Variants in GOLGA8B observed in about 807,000 individuals in gnomAD.
The protein encoded by GOLGA8B is golgin subfamily A member 8B.
Under a neutral mutation model 15.6 loss-of-function variants are expected in GOLGA8B, and 1 was observed. That is an observed-to-expected ratio of 0.06 (90% CI 0.02 to 0.30). The LOEUF is 0.30. Ranked by LOEUF, GOLGA8B falls within the 10% of genes least tolerant of loss-of-function variation. The pLI is 1.00. For synonymous variants in GOLGA8B, 9 were observed against 80.3 expected, an observed-to-expected ratio of 0.11 and a Z score of 4.75; for missense variants, 17 against 201.3, an observed-to-expected ratio of 0.08 and a Z score of 5.54.
At chr15:34,567,550 A>G (rs1009762790) in intron 1 of GOLGA8B, among the ~76,000 whole-genome samples, 4 of 151,716 alleles carry the variant, frequency 2.6e-5, no homozygotes, top group Non-Finnish European at 5.9e-5. Flanking sequence ...AAGTTGTCAC[A>G]GTCCACTCAC....
intron 1 of GOLGA8B, among the ~76,000 whole-genome samples, chr15:34,567,770 G>A (rs1313434137): frequency 5.3e-5 from 8 of 151,838 alleles, no homozygotes; most frequent in Non-Finnish European, 1.5e-5. Flanking sequence ...CAGATTACTG[G>A]TTTTCAAGCA....
chr15:34,557,507 G>C (rs1888522045), intron 1 of GOLGA8B, among the ~76,000 whole-genome samples: 1 of 33,034 alleles, frequency 3.0e-5, no homozygotes, highest in African/African-American at 9.8e-5. Context: ...CCAAAAAAAA[G>C]CCTCACTGTG....
rs1314994286 is a variant in GOLGA8B at position 34,528,141 on chromosome 15, CACA to C, written c.1453+45_1453+47del. ...CGCCCACCCTCATGCCCACCCCACC[CACA>C]CCCCCACCCCACCCCCACCCCCACA... On this transcript the variant is annotated intron_variant, in intron 22 of 23. Transcript: ENST00000683415. 1.1e-4 allele frequency: 48 copies of C among 435,702 alleles called. 3 individuals carry two copies. The African/African-American group carries it at 3.2e-3, about 29-fold the overall frequency. 27.0% of individuals were successfully genotyped at this position (435,702 alleles called of 1,614,324 possible). A position where few individuals can be genotyped will look rare whatever the true frequency, so the allele number is the denominator to read the frequency against.
chr15:34,566,659 T>C (rs1456912138), intron 1 of GOLGA8B, among the ~76,000 whole-genome samples: 1 of 145,976 alleles, frequency 6.9e-6, no homozygotes, highest in Non-Finnish European at 1.5e-5. Flanking sequence ...GCTGCCCTGT[T>C]GACAGCACAA....
At chr15:34,581,255 G>A in intron 1 of GOLGA8B, among the ~76,000 whole-genome samples, 1 of 152,158 alleles carries the variant, frequency 6.6e-6, no homozygotes, top group Non-Finnish European at 1.5e-5. Context: ...GCCTGGAGGG[G>A]GCCTCTTCAG....
In GOLGA8B at chr15:34,566,469, C is replaced by T. The variant is rs960694532; in HGVS notation, c.-1122-12513G>A. 10 of 143,036 alleles carry T rather than the reference C, an allele frequency of 7.0e-5. 1 individual carries two copies. The highest frequency in any genetic ancestry group is 1.8e-4 in the African/African-American group (7 of 39,762). The allele number at this position is 143,036 out of a possible 1,614,324, so 8.9% of individuals were successfully genotyped here. ...GAAGTTTTCCTCCATCGGGTAACCA[C>T]GAGCCTGGGGTATCACAAAGAGAAG... On this transcript the variant is annotated intron_variant, in intron 1 of 23. Transcript: ENST00000683415.
At chr15:34,572,227 T>A (rs1023272760) in intron 1 of GOLGA8B, among the ~76,000 whole-genome samples, 7 of 152,218 alleles carry the variant, frequency 4.6e-5, no homozygotes, top group African/African-American at 1.4e-4. Context: ...TTTAGAATGG[T>A]CACCACCTGT....
At chr15:34,573,901 G>A (rs1203373516) in intron 1 of GOLGA8B, among the ~76,000 whole-genome samples, 1 of 151,056 alleles carries the variant, frequency 6.6e-6, no homozygotes, top group African/African-American at 2.5e-5. Context: ...GGAGTCCTAG[G>A]TGGTTGAGGA....
chr15:34,543,008 A>C (rs1266772466), intron 7 of GOLGA8B, among the ~76,000 whole-genome samples: 1 of 73,214 alleles, frequency 1.4e-5, no homozygotes, highest in Non-Finnish European at 2.7e-5. Flanking sequence ...CCTCATTCTG[A>C]TCTCCCTCTC....
At chr15:34,576,930 G>C (rs952211751) in intron 1 of GOLGA8B, among the ~76,000 whole-genome samples, 2 of 152,034 alleles carry the variant, frequency 1.3e-5, no homozygotes, top group African/African-American at 4.8e-5. Context: ...TAGCAGAACA[G>C]TTGCACACAT....
At chr15:34,577,063 C>T (rs1007913274) in intron 1 of GOLGA8B, among the ~76,000 whole-genome samples, 3 of 150,542 alleles carry the variant, frequency 2.0e-5, no homozygotes, top group African/African-American at 4.8e-5. Flanking sequence ...CTGGCTCACA[C>T]GTGCAGGCAG....
intron 1 of GOLGA8B, among the ~76,000 whole-genome samples, chr15:34,562,655 T>C (rs1465717324): frequency 3.8e-5 from 5 of 130,634 alleles, no homozygotes; most frequent in Non-Finnish European, 5.3e-5. Context: ...AAAATATCTA[T>C]TCTATGTTGC....
At chr15:34,566,644 C>T (rs115999474) in intron 1 of GOLGA8B, among the ~76,000 whole-genome samples, 6,236 of 146,170 alleles carry the variant, frequency 0.043, 826 homozygotes, top group African/African-American at 0.15. Context: ...CTTATCCAGA[C>T]GGGGGCTGCC....
chr15:34,575,095 A>AG (rs1566936132), intron 1 of GOLGA8B, among the ~76,000 whole-genome samples: 1 of 137,054 alleles, frequency 7.3e-6, no homozygotes, highest in African/African-American at 2.7e-5. Flanking sequence ...TAGAAATCCT[A>AG]TAAATCCTTG....
rs2140334772 is a variant in GOLGA8B, at chr15:34,545,260, G to A, written c.-478+118C>T. 2.0e-5 allele frequency: 2 copies of A among 100,882 alleles called. 1 individual carries two copies. Among genetic ancestry groups the A allele is most frequent in the African/African-American group, 9.4e-5 (2 of 21,366 alleles). 6.2% of individuals were successfully genotyped at this position (100,882 alleles called of 1,614,324 possible). On this transcript the variant is annotated intron_variant, in intron 6 of 23. Transcript: ENST00000683415. ...TTACCTTTTTCATTCTTGAAAGTAG[G>A]AGCTATGAAAAAAAAACACTAAAAT... is the stretch of plus-strand genomic sequence containing the variant.
At chr15:34,573,768 A>T (rs967866189) in intron 1 of GOLGA8B, among the ~76,000 whole-genome samples, 12 of 151,936 alleles carry the variant, frequency 7.9e-5, no homozygotes, top group African/African-American at 2.9e-4. Flanking sequence ...GAGGACAAAG[A>T]TCCTCCTGGG....
In GOLGA8B at chr15:34,526,449, G is replaced by C. The variant is rs1285303801; in HGVS notation, c.*1183C>G. ...GAGTAACCGAGGTGGTTGAAGAATA[G>C]GTATTAGCCAGAGAGGTCTAGATAG... On this transcript the variant is annotated 3_prime_UTR_variant, in exon 24 of 24. Transcript: ENST00000683415. 6.7e-6 allele frequency: 1 copy of C among 148,742 alleles called. No homozygotes were observed. Among genetic ancestry groups the C allele is most frequent in the Non-Finnish European group, 1.5e-5 (1 of 67,110 alleles). The allele number at this position is 148,742 out of a possible 1,614,324, so 9.2% of individuals were successfully genotyped here. A position where few individuals can be genotyped will look rare whatever the true frequency, so the allele number is the denominator to read the frequency against.
intron 1 of GOLGA8B, among the ~76,000 whole-genome samples, chr15:34,554,530 TACACTCCACACACACCACACATC>T (rs1483950677): frequency 1.6e-5 from 2 of 124,480 alleles, no homozygotes; most frequent in Admixed American, 8.4e-5. Context: ...CACACTACAT[TACACTCCACACACACCACACATC>T]ACACTCCACA....
chr15:34,568,211 C>G (rs879547414), intron 1 of GOLGA8B, among the ~76,000 whole-genome samples: 5,063 of 139,604 alleles, frequency 0.036, no homozygotes, highest in Admixed American at 0.089. Flanking sequence ...CTGGAGAGAG[C>G]TTAGGACACC....
Sources: allele counts gnomAD v4.1 joint callset (sites outside exome capture counted in the v4.1 genomes callset), GRCh38; gene constraint gnomAD v4.1.1; transcripts MANE v1.5; gene names NCBI Gene and HGNC (gene_info 2026-07-23, HGNC 2026-07-21).